The following NFIA variants were observed in gnomAD, a reference collection of about 807,000 sequenced individuals.
NFIA encodes nuclear factor 1 A-type.
In NFIA, 8 loss-of-function variants were observed where a neutral mutation model predicts 62.8. The ratio of observed to expected loss-of-function variants is 0.13; its 90% CI spans 0.07 to 0.23. The LOEUF (loss-of-function observed/expected upper bound fraction) is 0.23, where lower values mean the gene tolerates loss of function less well. Ranked by LOEUF, NFIA falls within the 10% of genes least tolerant of loss-of-function variation. The pLI is 1.00. For synonymous variants in NFIA, 235 were observed against 238.1 expected (o/e 0.99, Z 0.12); for missense variants, 410 against 642.1 (o/e 0.64, Z 3.91).
intron 2 of NFIA, among the ~76,000 whole-genome samples, chr1:61,168,769 T>G (rs1649752332): frequency 2.0e-5 from 3 of 152,242 alleles, no homozygotes; most frequent in African/African-American, 7.2e-5. Context: ...GCAATCTTGG[T>G]GTTGTCTACA....
chr1:61,286,251 C>A (rs1041295111), intron 3 of NFIA, among the ~76,000 whole-genome samples: 2 of 150,434 alleles, frequency 1.3e-5, no homozygotes, highest in African/African-American at 4.9e-5. Context: ...CACTGTGAAA[C>A]CCTGTCTCTA....
In NFIA at chr1:61,278,590, C is replaced by A. The variant is rs9988480; in HGVS notation, c.625+1005C>A. 4.4e-3 allele frequency among the ~76,000 whole-genome samples: 662 copies of A among 152,154 alleles called. 6 individuals are homozygous for A. Among genetic ancestry groups the A allele is most frequent in the African/African-American group, 0.016 (645 of 41,514 alleles). On this transcript the variant is annotated intron_variant, in intron 3 of 10. Transcript: ENST00000403491. ...AGATCACGAGGTCAGGAGTTCAAGACCAGCCTGGCCAACATGGTGAAATCA... is the reference window on the plus strand; with the variant it reads ...AGATCACGAGGTCAGGAGTTCAAGAACAGCCTGGCCAACATGGTGAAATCA...
chr1:61,232,362 A>G lies in NFIA; in HGVS notation c.560-45158A>G, dbSNP rs1446060429. 3.3e-5 allele frequency among the ~76,000 whole-genome samples: 5 copies of G among 152,308 alleles called. No homozygotes were observed. The South Asian group carries it at 1.0e-3, about 32-fold the overall frequency. On this transcript the variant is annotated intron_variant, in intron 2 of 10. Coordinates refer to ENST00000403491, the MANE Select transcript of NFIA (RefSeq NM_001134673.4). ...TAAAAGGGAAAATTAAGCCATATAT[A>G]TTATATATGTACATATTTATGTAAA...
rs182211266 is a variant in NFIA, at chr1:61,191,993, T to C, written c.560-85527T>C. On this transcript the variant is annotated intron_variant, in intron 2 of 10. Transcript: ENST00000403491. ...GTTTTTTTTTGACATGGAGTCTTGCTCTGGTGCCCAGGCTGGATTGCAGTG... is the reference window on the plus strand; with the variant it reads ...GTTTTTTTTTGACATGGAGTCTTGCCCTGGTGCCCAGGCTGGATTGCAGTG... 6.9e-3 allele frequency among the ~76,000 whole-genome samples: 1,057 copies of C among 152,164 alleles called. 13 individuals carry two copies. The highest frequency in any genetic ancestry group is 0.024 in the African/African-American group (982 of 41,496).
chr1:61,327,586 A>G (rs1661020171), intron 3 of NFIA, among the ~76,000 whole-genome samples: 1 of 152,122 alleles, frequency 6.6e-6, no homozygotes, highest in Non-Finnish European at 1.5e-5. Context: ...TGCAAAATAC[A>G]TTATTTTGTT....
chr1:61,395,354 C>CA (rs1665216587), intron 7 of NFIA, among the ~76,000 whole-genome samples: 1 of 150,674 alleles, frequency 6.6e-6, no homozygotes, highest in South Asian at 2.1e-4. Flanking sequence ...GGTCGTTACG[C>CA]AAGAAGCATC....
At chr1:61,349,741 A>G (rs74913171) in intron 4 of NFIA, among the ~76,000 whole-genome samples, 2,433 of 152,146 alleles carry the variant, frequency 0.016, 28 homozygotes, top group Non-Finnish European at 0.026. Flanking sequence ...CACCTAGCTA[A>G]TTTAATTTTT....
At chr1:61,311,314 C>T (rs1660100018) in intron 3 of NFIA, among the ~76,000 whole-genome samples, 1 of 152,060 alleles carries the variant, frequency 6.6e-6, no homozygotes, top group Admixed American at 6.6e-5. Context: ...TCGCTTGAAC[C>T]CGGGAGGTGG....
At chr1:61,113,596 G>GAA (rs376543670) in intron 2 of NFIA, among the ~76,000 whole-genome samples, 5,951 of 106,862 alleles carry the variant, frequency 0.056, 481 homozygotes, top group East Asian at 0.33. Flanking sequence ...CTCCATCTCA[G>GAA]AAAAAAAAAA....
intron 3 of NFIA, among the ~76,000 whole-genome samples, chr1:61,296,556 T>G (rs1302286641): frequency 1.3e-5 from 2 of 152,280 alleles, no homozygotes; most frequent in Admixed American, 1.3e-4. Flanking sequence ...AATATTAGTG[T>G]CCTTTTTCTT....
rs1365746462 is a variant in NFIA at position 61,456,880 on chromosome 1, A to G, written c.*1560A>G. The G allele has an allele frequency of 6.6e-6, 1 of 151,764 alleles. No homozygotes were observed. Among genetic ancestry groups the G allele is most frequent in the African/African-American group, 2.4e-5 (1 of 41,376 alleles). 9.4% of individuals were successfully genotyped at this position (151,764 alleles called of 1,614,324 possible). On this transcript the variant is annotated 3_prime_UTR_variant, in exon 11 of 11. Coordinates refer to ENST00000403491, the MANE Select transcript of NFIA (RefSeq NM_001134673.4). ...AAAAAAAAGTGCAAGTGATTTTTCT[A>G]CCAGACAGCGAAGCACCCCTTTGCT...
chr1:61,102,026 C>T (rs1194167342), intron 2 of NFIA, among the ~76,000 whole-genome samples: 1 of 152,104 alleles, frequency 6.6e-6, no homozygotes, highest in African/African-American at 2.4e-5. Context: ...ATCTGTTTCT[C>T]CATTCATTAA....
At chr1:61,199,342 C>T (rs920347233) in intron 2 of NFIA, among the ~76,000 whole-genome samples, 5 of 152,134 alleles carry the variant, frequency 3.3e-5, no homozygotes, top group African/African-American at 1.2e-4. Flanking sequence ...TAATAGCTAC[C>T]ATTTATTGAT....
intron 2 of NFIA, among the ~76,000 whole-genome samples, chr1:61,256,999 G>A (rs1288902875): frequency 6.6e-6 from 1 of 152,158 alleles, no homozygotes; most frequent in Non-Finnish European, 1.5e-5. Flanking sequence ...TATAATTAAA[G>A]GACTACCAGT....
chr1:61,084,843 TAA>T (rs1351314584), intron 1 of NFIA, among the ~76,000 whole-genome samples: 1 of 152,082 alleles, frequency 6.6e-6, no homozygotes, highest in Non-Finnish European at 1.5e-5. Flanking sequence ...ATTATGACAT[TAA>T]GAGAGTTTTT....
chr1:61,246,688 C>T (rs1557659583), intron 2 of NFIA, among the ~76,000 whole-genome samples: 1 of 152,062 alleles, frequency 6.6e-6, no homozygotes, highest in Non-Finnish European at 1.5e-5. Flanking sequence ...TTATGGAGGA[C>T]ACATTGTAAA....
chr1:61,442,019 T>C (rs1667606898), intron 10 of NFIA, among the ~76,000 whole-genome samples: 1 of 151,924 alleles, frequency 6.6e-6, no homozygotes, highest in African/African-American at 2.4e-5. Context: ...ATGAAACTCA[T>C]TATGGAATTC....
At chr1:61,358,379 CTTTTTT>C (rs34853369) in intron 5 of NFIA, among the ~76,000 whole-genome samples, 4 of 52,616 alleles carry the variant, frequency 7.6e-5, no homozygotes, top group Admixed American at 3.0e-4. Context: ...TTCTTTCTTT[CTTTTTT>C]TTTTTTTTTT....
intron 3 of NFIA, among the ~76,000 whole-genome samples, chr1:61,293,177 C>T (rs185002059): frequency 1.3e-5 from 2 of 152,318 alleles, no homozygotes; most frequent in East Asian, 3.9e-4. Flanking sequence ...CCCTCCCTCT[C>T]TTCTCTGAGC....
Sources: gnomAD v4.1 joint callset for allele counts (sites outside exome capture counted in the v4.1 genomes callset) on GRCh38, gnomAD v4.1.1 for gene constraint, MANE v1.5 for transcripts, NCBI Gene and HGNC (gene_info 2026-07-23, HGNC 2026-07-21) for gene names.